WDR93: variants seen among roughly 807,000 people sequenced by gnomAD.
WDR93 encodes WD repeat domain 93, also known as WD repeat-containing protein 93.
In WDR93, 73 loss-of-function variants were observed where a neutral mutation model predicts 82.9. That is an observed-to-expected ratio of 0.88 (90% CI 0.73 to 1.07). The LOEUF is 1.07. Ranked by LOEUF, WDR93 falls within the 50% of genes least tolerant of loss-of-function variation. The pLI, the probability that WDR93 is intolerant of heterozygous loss-of-function variation, is 0.00. For missense variants in WDR93, 738 were observed against 826.0 expected (o/e 0.89, Z 1.31); for synonymous variants, 283 against 300.1 (o/e 0.94, Z 0.59).
intron 5 of WDR93, among the ~76,000 whole-genome samples, chr15:89,712,394 A>ATATTTTTTTTT (rs1177405888): frequency 1.3e-4 from 8 of 61,682 alleles, no homozygotes; most frequent in African/African-American, 7.4e-4. Flanking sequence ...TTTTCCACTA[A>ATATTTTTTTTT]TCTTTTTTTT....
At chr15:89,719,128 C>T (rs1415350933) in intron 7 of WDR93, among the ~76,000 whole-genome samples, 1 of 152,118 alleles carries the variant, frequency 6.6e-6, no homozygotes, top group Admixed American at 6.6e-5. Flanking sequence ...CACTCTGTCA[C>T]TCAGGCTGGA....
Position 89,743,579 on chromosome 15 carries a change from T to A in WDR93, c.*188T>A, listed in dbSNP as rs1439128063. 5 of 599,734 alleles carry A rather than the reference T, an allele frequency of 8.3e-6. No individual in the cohort carries two copies. In the East Asian group the frequency reaches 1.1e-4, roughly 13 times the overall value. 37.2% of individuals were successfully genotyped at this position (599,734 alleles called of 1,614,324 possible). A position where few individuals can be genotyped will look rare whatever the true frequency, so the allele number is the denominator to read the frequency against. On this transcript the variant is annotated 3_prime_UTR_variant, in exon 17 of 17. Transcript: ENST00000268130. ...GGGGACCTTCAACCACTAAGCCTCT[T>A]GTCAGAGCCCTCAGGCAGGCAGATG...
At chr15:89,720,312 G>A (rs977145111) in intron 7 of WDR93, among the ~76,000 whole-genome samples, 1 of 151,706 alleles carries the variant, frequency 6.6e-6, no homozygotes, top group Non-Finnish European at 1.5e-5. Flanking sequence ...TCATTCTGTT[G>A]CTCAGACTGG....
chr15:89,721,982 A>C (rs1341751633), intron 7 of WDR93, 73 bp from the exon 8 acceptor site: 4 of 1,030,090 alleles, frequency 3.9e-6, no homozygotes, highest in Non-Finnish European at 5.7e-6. Flanking sequence ...ACCTTCTTTT[A>C]AAATTAGTAT....
chr15:89,708,461 G>C (rs1965820309), intron 4 of WDR93, among the ~76,000 whole-genome samples: 1 of 152,066 alleles, frequency 6.6e-6, no homozygotes, highest in Admixed American at 6.5e-5. Flanking sequence ...CCACTACCCT[G>C]AGCAAGGAGG....
chr15:89,704,511 G>A (rs555139886), intron 3 of WDR93: 2 of 152,350 alleles, frequency 1.3e-5, no homozygotes, highest in African/African-American at 4.8e-5. Context: ...AGGGAATGAT[G>A]GAATATGCAT....
intron 16 of WDR93, among the ~76,000 whole-genome samples, chr15:89,742,725 G>A (rs1393986890): frequency 6.6e-6 from 1 of 152,032 alleles, no homozygotes; most frequent in Non-Finnish European, 1.5e-5. Context: ...TAGAGACGGG[G>A]TTTCTCCAGG....
chr15:89,714,652 C>G (rs1012806809), intron 5 of WDR93, among the ~76,000 whole-genome samples: 31 of 152,108 alleles, frequency 2.0e-4, no homozygotes, highest in African/African-American at 7.0e-4. Context: ...ATGGAATTTA[C>G]CATTTGCAAC....
chr15:89,724,070 C>T (rs372319355), intron 8 of WDR93, among the ~76,000 whole-genome samples: 13 of 152,030 alleles, frequency 8.6e-5, no homozygotes, highest in African/African-American at 2.7e-4. Context: ...GGCGTGATGG[C>T]GTGCACCTGT....
intron 1 of WDR93, among the ~76,000 whole-genome samples, chr15:89,695,698 TAGATTTCCTC>T (rs1050668057): frequency 6.6e-6 from 1 of 152,180 alleles, no homozygotes; most frequent in African/African-American, 2.4e-5. Context: ...AATGTTTTTG[TAGATTTCCTC>T]AGATTTCCTA....
upstream of WDR93, chr15:89,690,794 T>G (rs1964828486): frequency 1.6e-5 from 9 of 560,862 alleles, no homozygotes; most frequent in Non-Finnish European, 2.8e-5. Flanking sequence ...TAGAGCAACT[T>G]CGCGGACTTC....
chr15:89,733,275 T>C (rs1196669673), intron 13 of WDR93, 56 bp downstream of exon 13: 6 of 1,523,192 alleles, frequency 3.9e-6, no homozygotes, highest in Non-Finnish European at 5.4e-6. Context: ...TTTTAATTGC[T>C]ATTTGATAGT....
chr15:89,706,993 G>T (rs1017056500), intron 4 of WDR93, among the ~76,000 whole-genome samples: 1 of 152,138 alleles, frequency 6.6e-6, no homozygotes, highest in East Asian at 1.9e-4. Context: ...TTAATGGAAT[G>T]AAAAGACAAC....
At chr15:89,705,738 A>G in intron 4 of WDR93, 120 bp downstream of exon 4, 2 of 708,830 alleles carry the variant, frequency 2.8e-6, no homozygotes, top group South Asian at 1.7e-5. Context: ...CTCCATGGCC[A>G]GAGAGCCTCC....
chr15:89,700,979 T>TACACAC (rs34106334), intron 1 of WDR93, among the ~76,000 whole-genome samples: 9 of 150,212 alleles, frequency 6.0e-5, no homozygotes, highest in African/African-American at 1.5e-4. Flanking sequence ...TATGTGTGTG[T>TACACAC]ACACACACAC....
At chr15:89,705,057 T>G (rs1178164186) in intron 3 of WDR93, 1 of 160,800 alleles carries the variant, frequency 6.2e-6, no homozygotes, top group Non-Finnish European at 1.3e-5. Context: ...TAAATGAGAA[T>G]TAGATTAACA....
At chr15:89,719,988 C>G (rs895995362) in intron 7 of WDR93, among the ~76,000 whole-genome samples, 2 of 151,436 alleles carry the variant, frequency 1.3e-5, no homozygotes, top group Non-Finnish European at 2.9e-5. Flanking sequence ...TTAGTAGAGA[C>G]GGGGTCTCAC....
intron 1 of WDR93, among the ~76,000 whole-genome samples, chr15:89,694,531 G>T (rs1446351408): frequency 6.6e-6 from 1 of 152,050 alleles, no homozygotes; most frequent in African/African-American, 2.4e-5. Context: ...CACTGCACCC[G>T]GCCGGGTTAC....
chr15:89,709,978 G>A (rs1473983780), intron 4 of WDR93, among the ~76,000 whole-genome samples: 1 of 152,054 alleles, frequency 6.6e-6, no homozygotes, highest in African/African-American at 2.4e-5. Flanking sequence ...GGCTAACACG[G>A]TGAAACCCCG....
Sources: allele counts gnomAD v4.1 joint callset (sites outside exome capture counted in the v4.1 genomes callset), GRCh38; gene constraint gnomAD v4.1.1; transcripts MANE v1.5; gene names NCBI Gene and HGNC (gene_info 2026-07-23, HGNC 2026-07-21).